The following SLC10A7 variants were observed in gnomAD, a reference collection of about 807,000 sequenced individuals.
The protein encoded by SLC10A7 is solute carrier family 10 member 7, also known as sodium/bile acid cotransporter 7.
In SLC10A7, 29 loss-of-function variants were observed where a neutral mutation model predicts 43.2. The observed-to-expected ratio is 0.67, with a 90% CI of 0.50 to 0.92. The LOEUF (loss-of-function observed/expected upper bound fraction) is 0.92, where lower values mean the gene tolerates loss of function less well. Ranked by LOEUF, SLC10A7 falls within the 40% of genes least tolerant of loss-of-function variation. The probability of loss-of-function intolerance (pLI) is 0.00; values close to 1 mark genes in which losing one functional copy is unlikely to be tolerated. For missense variants in SLC10A7, 295 were observed against 403.2 expected (o/e 0.73, Z 2.30); for synonymous variants, 152 against 144.8 (o/e 1.05, Z -0.35).
At chr4:146,392,458 T>C (rs1456783125) in intron 5 of SLC10A7, among the ~76,000 whole-genome samples, 1 of 152,196 alleles carries the variant, frequency 6.6e-6, no homozygotes, top group East Asian at 1.9e-4. Context: ...TGTGGGTCTA[T>C]ATATGTGCAT....
chr4:146,468,469 T>G (rs954021664), intron 4 of SLC10A7, among the ~76,000 whole-genome samples: 3 of 99,708 alleles, frequency 3.0e-5, no homozygotes, highest in African/African-American at 1.4e-4. Flanking sequence ...TAACTTATAT[T>G]TTAATTTTTT....
At chr4:146,286,536 T>TTGGAGTGGTGAGAAGGAGTGTGTG (rs1729968316) in intron 9 of SLC10A7, among the ~76,000 whole-genome samples, 1 of 129,680 alleles carries the variant, frequency 7.7e-6, no homozygotes. Context: ...AGGACTGTGT[T>TTGGAGTGGTGAGAAGGAGTGTGTG]TGGAGTGGTG....
chr4:146,415,784 T>C (rs553317656), intron 5 of SLC10A7, among the ~76,000 whole-genome samples: 2 of 152,312 alleles, frequency 1.3e-5, no homozygotes, highest in South Asian at 2.1e-4. Flanking sequence ...TTCTCAAGTA[T>C]ATTAAAAATA....
intron 4 of SLC10A7, among the ~76,000 whole-genome samples, chr4:146,500,867 A>G (rs892866836): frequency 1.3e-5 from 2 of 152,140 alleles, no homozygotes; most frequent in Admixed American, 6.6e-5. Flanking sequence ...CAGGCTGCCA[A>G]TTACTCCATG....
chr4:146,392,300 A>C (rs994894345), intron 5 of SLC10A7, among the ~76,000 whole-genome samples: 1 of 152,160 alleles, frequency 6.6e-6, no homozygotes, highest in African/African-American at 2.4e-5. Flanking sequence ...GACTAAAAGG[A>C]TTGGTAAATA....
intron 4 of SLC10A7, among the ~76,000 whole-genome samples, chr4:146,473,284 GT>G (rs1215714432): frequency 6.6e-6 from 1 of 151,860 alleles, no homozygotes; most frequent in African/African-American, 2.4e-5. Flanking sequence ...ATTGAAAACA[GT>G]TTTTTTTAAA....
At chr4:146,446,228 C>A (rs1346418336) in intron 4 of SLC10A7, among the ~76,000 whole-genome samples, 1 of 152,120 alleles carries the variant, frequency 6.6e-6, no homozygotes, top group African/African-American at 2.4e-5. Flanking sequence ...AGTATCTCCA[C>A]ACCTGCTGGC....
chr4:146,425,964 G>A (rs1729321449), intron 5 of SLC10A7, among the ~76,000 whole-genome samples: 1 of 152,134 alleles, frequency 6.6e-6, no homozygotes, highest in South Asian at 2.1e-4. Context: ...ACTTTCTCTT[G>A]TGAATTTAAC....
intron 5 of SLC10A7, among the ~76,000 whole-genome samples, chr4:146,431,107 C>T (rs555459854): frequency 6.6e-6 from 1 of 152,008 alleles, no homozygotes; most frequent in African/African-American, 2.4e-5. Flanking sequence ...TATGTCCATC[C>T]CCATTTCACA....
chr4:146,428,889 T>C (rs1239566871), intron 5 of SLC10A7, among the ~76,000 whole-genome samples: 1 of 152,180 alleles, frequency 6.6e-6, no homozygotes, highest in East Asian at 1.9e-4. Context: ...ATATTTGTAG[T>C]AATCACACTT....
At chr4:146,326,109 T>TA in intron 5 of SLC10A7, 113 bp from the exon 6 acceptor site, 1 of 818,508 alleles carries the variant, frequency 1.2e-6, no homozygotes, top group Non-Finnish European at 1.9e-6. Context: ...TGCTGTTTAA[T>TA]AAAATCTAGG....
intron 4 of SLC10A7, among the ~76,000 whole-genome samples, chr4:146,496,401 G>A (rs1035300168): frequency 6.6e-6 from 1 of 152,078 alleles, no homozygotes; most frequent in African/African-American, 2.4e-5. Flanking sequence ...CTACCCTCCT[G>A]TCTCCTGTCC....
intron 4 of SLC10A7, among the ~76,000 whole-genome samples, chr4:146,455,399 T>C (rs1157036448): frequency 6.6e-6 from 1 of 151,866 alleles, no homozygotes; most frequent in African/African-American, 2.4e-5. Context: ...AGAATTCCCC[T>C]AACACTTTGT....
At chr4:146,493,940 G>A (rs557372209) in intron 4 of SLC10A7, among the ~76,000 whole-genome samples, 3 of 152,294 alleles carry the variant, frequency 2.0e-5, no homozygotes, top group South Asian at 2.1e-4. Flanking sequence ...GCAAGCTATT[G>A]CAAGCACTCG....
intron 7 of SLC10A7, among the ~76,000 whole-genome samples, chr4:146,305,582 G>GA (rs11380240): frequency 0.71 from 104,754 of 147,344 alleles, 37,163 homozygotes; most frequent in African/African-American, 0.77. Flanking sequence ...AATAATAAAA[G>GA]AAAAAAAAAC....
intron 5 of SLC10A7, among the ~76,000 whole-genome samples, chr4:146,396,100 C>A (rs1738806045): frequency 6.6e-6 from 1 of 152,104 alleles, no homozygotes; most frequent in Non-Finnish European, 1.5e-5. Context: ...TAAAAGGTTG[C>A]TTAATCATGT....
intron 6 of SLC10A7, among the ~76,000 whole-genome samples, chr4:146,309,564 C>A (rs1731818693): frequency 6.6e-6 from 1 of 152,120 alleles, no homozygotes; most frequent in Non-Finnish European, 1.5e-5. Context: ...AACCACTAAT[C>A]TAGTACATAG....
intron 5 of SLC10A7, among the ~76,000 whole-genome samples, chr4:146,355,333 T>A (rs1244131286): frequency 3.9e-5 from 6 of 152,040 alleles, no homozygotes; most frequent in African/African-American, 1.5e-4. Context: ...TCAAAACCAC[T>A]ATGAGATATC....
rs149901160 is a variant in SLC10A7, at chr4:146,318,616, C to T, written c.471+7345G>A. The stretch of plus-strand genomic sequence containing the variant: ...AATTTAAAACCCATCCAGATGCTGA[C>T]GTCTCCCAAATATACATCTCTAGTT... On this transcript the variant is annotated intron_variant, in intron 6 of 11. Coordinates refer to ENST00000335472, the MANE Select transcript of SLC10A7 (RefSeq NM_001029998.6). Among the ~76,000 whole-genome samples, 605 of 152,114 alleles carry T rather than the reference C, an allele frequency of 4.0e-3. 3 individuals are homozygous for T. Among genetic ancestry groups the T allele is most frequent in the Middle Eastern group, 0.02 (6 of 294 alleles).
Sources: allele counts gnomAD v4.1 joint callset (sites outside exome capture counted in the v4.1 genomes callset), GRCh38; gene constraint gnomAD v4.1.1; transcripts MANE v1.5; gene names NCBI Gene and HGNC (gene_info 2026-07-23, HGNC 2026-07-21).